The following AFMID variants were observed in gnomAD, a reference collection of about 807,000 sequenced individuals.
AFMID encodes kynurenine formamidase.
Under a neutral mutation model 47.5 loss-of-function variants are expected in AFMID, and 39 were observed. The ratio of observed to expected loss-of-function variants is 0.82; its 90% CI spans 0.64 to 1.07. The LOEUF (loss-of-function observed/expected upper bound fraction) is 1.07. AFMID is among the 50% of genes least tolerant of loss of function. The probability of loss-of-function intolerance (pLI) is 0.00; values close to 1 mark genes in which losing one functional copy is unlikely to be tolerated. For synonymous variants in AFMID, 130 were observed against 153.2 expected (o/e 0.85, Z 1.12); for missense variants, 375 against 387.5 (o/e 0.97, Z 0.27).
intron 2 of AFMID, among the ~76,000 whole-genome samples, chr17:78,193,188 G>A (rs1442225982): frequency 6.6e-6 from 1 of 151,704 alleles, no homozygotes; most frequent in Admixed American, 6.6e-5. Context: ...TGGCTAACAC[G>A]GTGAAACCCC....
At position 78,205,703 on chromosome 17, in the gene AFMID, C is replaced by G. The variant is rs748248372; in HGVS notation, c.745C>G (p.Pro249Ala). 6.2e-7 allele frequency: 1 copy of G among 1,611,768 alleles called. No homozygotes were observed. Among genetic ancestry groups the G allele is most frequent in the Non-Finnish European group, 8.5e-7 (1 of 1,180,024 alleles). The change falls in exon 9 of 11, where the codon CCC becomes GCC. Residue 249 changes from proline (P) to alanine (A), a missense_variant. Coordinates refer to ENST00000409257, the MANE Select transcript of AFMID (RefSeq NM_001010982.5). ...VLVVVGQFDSPEFHRQSWEFY... is the reference protein window; with the variant it reads ...VLVVVGQFDSAEFHRQSWEFY... The stretch of plus-strand genomic sequence containing the variant: ...GGTGGTCGTGGGCCAGTTCGACTCC[C>G]CCGAATTCCACCGACAGTCCTGGGA...
At chr17:78,195,555 T>G (rs2076091043) in intron 2 of AFMID, among the ~76,000 whole-genome samples, 1 of 141,302 alleles carries the variant, frequency 7.1e-6, no homozygotes, top group Non-Finnish European at 1.5e-5. Context: ...CAGGCTGGAG[T>G]GCAATGGCGC....
In AFMID at chr17:78,201,293, CA is replaced by C. The variant is rs200594725; in HGVS notation, c.155-1193del. 4.9e-3 allele frequency among the ~76,000 whole-genome samples: 579 copies of C among 117,930 alleles called. 3 individuals carry two copies. The highest frequency in any genetic ancestry group is 0.016 in the African/African-American group (498 of 31,908). The allele number at this position is 117,930 out of a possible 152,430, so 77.4% of individuals were successfully genotyped here. The stretch of plus-strand genomic sequence containing the variant: ...TGGGTGACAGAGCAAGACTCCGTCG[CA>C]AAAAAAAAAAAACGATGAATGCTAG... On this transcript the variant is annotated intron_variant, in intron 2 of 10. Transcript: ENST00000409257.
chr17:78,191,793 G>A (rs1056085283), intron 2 of AFMID, among the ~76,000 whole-genome samples: 2 of 151,730 alleles, frequency 1.3e-5, no homozygotes, highest in Non-Finnish European at 2.9e-5. Flanking sequence ...GGGTTCAAGC[G>A]ATTCTCCTGA....
Position 78,205,202 on chromosome 17 carries a change from A to C in AFMID, c.565+12A>C. On this transcript the variant is annotated intron_variant, in intron 7 of 10. Transcript: ENST00000409257. ...GCCCAACCTCAGAGGTTTCCATGGG[A>C]GCTACAGCCTGGCTGGGCAACCTTC... 1.2e-6 allele frequency: 2 copies of C among 1,606,400 alleles called. No individual in the cohort carries two copies. The highest frequency in any genetic ancestry group is 1.7e-6 in the Non-Finnish European group (2 of 1,176,148).
rs1473874734 is a variant in AFMID, at chr17:78,207,319, T to C, written c.*382T>C. 4.4e-5 allele frequency: 9 copies of C among 205,526 alleles called. No homozygotes were observed. The highest frequency in any genetic ancestry group is 7.3e-5 in the Non-Finnish European group (8 of 109,516). 12.7% of individuals were successfully genotyped at this position (205,526 alleles called of 1,614,324 possible). A position where few individuals can be genotyped will look rare whatever the true frequency, so the allele number is the denominator to read the frequency against. ...TTTTTTTTGAGATGGAGTCTTACTC[T>C]GTCACCCAGGCTGGAGTGCAGTGGC... On this transcript the variant is annotated 3_prime_UTR_variant, in exon 11 of 11. Transcript: ENST00000409257.
rs1031675783 is a variant in AFMID at position 78,187,579 on chromosome 17, T to C, written c.63+146T>C. The C allele has an allele frequency of 9.1e-5, 68 of 746,646 alleles. No individual in the cohort carries two copies. The Admixed American group carries it at 1.8e-3, about 20-fold the overall frequency. 46.3% of individuals were successfully genotyped at this position (746,646 alleles called of 1,614,324 possible). ...CTAGTGCGTGCCAGGTCCCCAGTGC[T>C]TGAGCACCATGGTGTATTTTACCTT... On this transcript the variant is annotated intron_variant, in intron 1 of 10. Coordinates refer to ENST00000409257, the MANE Select transcript of AFMID (RefSeq NM_001010982.5).
chr17:78,196,539 C>A (rs1299643868), intron 2 of AFMID, among the ~76,000 whole-genome samples: 1 of 152,048 alleles, frequency 6.6e-6, no homozygotes, highest in African/African-American at 2.4e-5. Context: ...ATGAGCCAGG[C>A]ATAGTGGCAC....
At chr17:78,206,825 T>A (rs941998247) in intron 10 of AFMID, 86 bp from the exon 11 acceptor site, 6 of 1,493,532 alleles carry the variant, frequency 4.0e-6, no homozygotes, top group Non-Finnish European at 5.6e-6. Flanking sequence ...AGCCACTGCA[T>A]CCAGCCCTGT....
Position 78,187,408 on chromosome 17 carries a change from T to C in AFMID, c.38T>C (p.Val13Ala). ...TCTGGTGTGGGTTTCCCAAGCAAGGTTCCTTGGAAGAAGATGTCTGCAGAG... is the reference window on the plus strand; with the variant it reads ...TCTGGTGTGGGTTTCCCAAGCAAGGCTCCTTGGAAGAAGATGTCTGCAGAG... ...DVSGVGFPSK[V>A]PWKKMSAEEL... Residue 13 changes from valine (V) to alanine (A), a missense_variant, in exon 1 of 11, where the codon GTT becomes GCT. By Grantham distance (64) the Val-to-Ala change is moderately conservative (BLOSUM62 0). Transcript: ENST00000409257. The C allele has an allele frequency of 6.2e-7, 1 of 1,613,648 alleles. No individual in the cohort carries two copies. Among genetic ancestry groups the C allele is most frequent in the Middle Eastern group, 1.7e-4 (1 of 6,058 alleles).
intron 2 of AFMID, among the ~76,000 whole-genome samples, chr17:78,199,037 G>T (rs113661256): frequency 0.047 from 7,227 of 152,284 alleles, 192 homozygotes; most frequent in South Asian, 0.051. Context: ...TTCCTCATCT[G>T]TACGTAGATA....
chr17:78,190,302 G>A (rs1470861443), intron 1 of AFMID, among the ~76,000 whole-genome samples: 2 of 152,066 alleles, frequency 1.3e-5, no homozygotes, highest in Admixed American at 6.6e-5. Context: ...TTTGCAAACT[G>A]ACCTTTCATT....
intron 2 of AFMID, among the ~76,000 whole-genome samples, chr17:78,195,990 C>A (rs779189395): frequency 1.3e-5 from 2 of 152,174 alleles, no homozygotes; most frequent in East Asian, 1.9e-4. Flanking sequence ...GTACTACAGG[C>A]GCCCACCACC....
At chr17:78,195,744 T>C (rs932279617) in intron 2 of AFMID, among the ~76,000 whole-genome samples, 2 of 148,002 alleles carry the variant, frequency 1.4e-5, no homozygotes, top group African/African-American at 5.0e-5. Flanking sequence ...TCAGGTCATC[T>C]GCCCGCCTCC....
At chr17:78,206,126 A>G in intron 10 of AFMID, 76 bp downstream of exon 10, 1 of 1,298,464 alleles carries the variant, frequency 7.7e-7, no homozygotes, top group Non-Finnish European at 1.1e-6. Flanking sequence ...TGTGCAAACC[A>G]GGAGTTCAAG....
At chr17:78,188,892 T>C (rs902448386) in intron 1 of AFMID, among the ~76,000 whole-genome samples, 8 of 151,908 alleles carry the variant, frequency 5.3e-5, no homozygotes, top group African/African-American at 1.5e-4. Context: ...CCACTGCGCC[T>C]GGCCAATTTT....
chr17:78,190,681 C>A, intron 1 of AFMID: 1 of 341,038 alleles, frequency 2.9e-6, no homozygotes, highest in Non-Finnish European at 5.4e-6. Flanking sequence ...CGTGAGCCAC[C>A]GGGCCACCTG....
chr17:78,202,010 G>C (rs1195172087), intron 2 of AFMID, among the ~76,000 whole-genome samples: 1 of 151,832 alleles, frequency 6.6e-6, no homozygotes, highest in African/African-American at 2.4e-5. Flanking sequence ...GATTATAGGC[G>C]TGAGCCACTG....
chr17:78,195,638 G>A (rs1280102755), intron 2 of AFMID, among the ~76,000 whole-genome samples: 3 of 151,244 alleles, frequency 2.0e-5, no homozygotes, highest in Admixed American at 6.6e-5. Flanking sequence ...AAGTAGCTGG[G>A]ATTACAGGCG....
Sources: gnomAD v4.1 joint callset for allele counts (sites outside exome capture counted in the v4.1 genomes callset) on GRCh38, gnomAD v4.1.1 for gene constraint, MANE v1.5 for transcripts, NCBI Gene and HGNC (gene_info 2026-07-23, HGNC 2026-07-21) for gene names.